The following EFEMP1 variants were observed in gnomAD, a reference collection of about 807,000 sequenced individuals.
EFEMP1 encodes the protein EGF-like fibulin extracellular matrix protein 1.
EFEMP1 carries 18 observed loss-of-function variants against 65.7 expected under a neutral mutation model. The observed-to-expected ratio is 0.27, with a 90% CI of 0.19 to 0.41. The LOEUF is 0.41. Among genes scored for constraint, EFEMP1 ranks in the 10% least tolerant of loss-of-function variants. The pLI is 1.00. For synonymous variants in EFEMP1, 237 were observed against 219.7 expected, an observed-to-expected ratio of 1.08 and a Z score of -0.70; for missense variants, 469 against 624.8, an observed-to-expected ratio of 0.75 and a Z score of 2.66.
intron 5 of EFEMP1, among the ~76,000 whole-genome samples, chr2:55,889,787 G>T (rs1349894583): frequency 6.7e-6 from 1 of 149,554 alleles, no homozygotes; most frequent in South Asian, 2.1e-4. Flanking sequence ...ATGGATGCAT[G>T]TTCAAATGAT....
chr2:55,915,524 C>G (rs1012766638), intron 5 of EFEMP1, among the ~76,000 whole-genome samples: 5 of 152,118 alleles, frequency 3.3e-5, no homozygotes, highest in Admixed American at 3.3e-4. Flanking sequence ...ATATTTTATT[C>G]TAGGACCTCT....
chr2:55,871,872 G>A lies in EFEMP1; in HGVS notation c.1001-749C>T, dbSNP rs1230789971. ...ATTTTAGGACTGTAAGGAAAAAGAG[G>A]AAGTTAAGGAAGAGGCTGTCAGTGC... On this transcript the variant is annotated intron_variant, in intron 9 of 11. Coordinates refer to ENST00000355426, the MANE Select transcript of EFEMP1 (RefSeq NM_001039348.3). This position sits in a 1 kb window ranked among gnomAD's most constrained non-coding sequence, Gnocchi z 4.2. Among the ~76,000 whole-genome samples the A allele has an allele frequency of 6.6e-6, 1 of 152,080 alleles. No individual in the cohort carries two copies. The highest frequency in any genetic ancestry group is 2.4e-5 in the African/African-American group (1 of 41,414).
rs55817415 is a variant in EFEMP1 at position 55,873,066 on chromosome 2, C to CACA, written c.1000+1879_1000+1880insTGT. On this transcript the variant is annotated intron_variant, in intron 9 of 11. Coordinates refer to ENST00000355426, the MANE Select transcript of EFEMP1 (RefSeq NM_001039348.3). The surrounding 1 kb of genome is among the most constrained non-coding windows in gnomAD (Gnocchi z 4.6). ...TTCTTTTGTCTCTCTGTCTCTCTCT[C>CACA]CACACACACACACACACACACACAC... Among the ~76,000 whole-genome samples, 18 of 145,400 alleles carry CACA rather than the reference C, an allele frequency of 1.2e-4. No individual in the cohort carries two copies. The highest frequency in any genetic ancestry group is 2.1e-4 in the Non-Finnish European group (14 of 66,114).
In EFEMP1 at chr2:55,885,448, GT is replaced by G. The variant is rs1324237275; in HGVS notation, c.518-3715del. 1.3e-5 allele frequency among the ~76,000 whole-genome samples: 2 copies of G among 152,194 alleles called. No individual in the cohort carries two copies. The highest frequency in any genetic ancestry group is 1.3e-4 in the Admixed American group (2 of 15,278). ...GAGTCTGGATTGAACAACATAAGGAGTCTCTCTGAACTATGTAGACAGAGCC... is the reference window on the plus strand; with the variant it reads ...GAGTCTGGATTGAACAACATAAGGAGCTCTCTGAACTATGTAGACAGAGCC... On this transcript the variant is annotated intron_variant, in intron 5 of 11. Coordinates refer to ENST00000355426, the MANE Select transcript of EFEMP1 (RefSeq NM_001039348.3). This position sits in a 1 kb window ranked among gnomAD's most constrained non-coding sequence, Gnocchi z 4.3.
intron 5 of EFEMP1, among the ~76,000 whole-genome samples, chr2:55,888,112 C>A (rs1387385760): frequency 6.6e-6 from 1 of 152,114 alleles, no homozygotes; most frequent in African/African-American, 2.4e-5. Flanking sequence ...ACCAGATGAA[C>A]CAATGGGTCA....
Position 55,923,126 on chromosome 2 carries a change from G to C in EFEMP1, c.-48-187C>G. Among the ~76,000 whole-genome samples the C allele has an allele frequency of 6.6e-6, 1 of 152,184 alleles. No individual in the cohort carries two copies. The highest frequency in any genetic ancestry group is 1.9e-4 in the East Asian group (1 of 5,188). ...ATTTCCACGCCTTTCTCTGCGCACA[G>C]CTTTGTTTAAAAGTCCCAGGTTGTG... On this transcript the variant is annotated intron_variant, in intron 1 of 11. Transcript: ENST00000355426. The surrounding 1 kb of genome is among the most constrained non-coding windows in gnomAD (Gnocchi z 5.3).
At chr2:55,899,501 G>C (rs934968087) in intron 5 of EFEMP1, among the ~76,000 whole-genome samples, 5 of 152,078 alleles carry the variant, frequency 3.3e-5, no homozygotes, top group African/African-American at 1.2e-4. Context: ...TAACAATTTG[G>C]GCCTAGCAAG....
chr2:55,916,248 T>G (rs954848279), intron 5 of EFEMP1, among the ~76,000 whole-genome samples: 8 of 152,066 alleles, frequency 5.3e-5, no homozygotes, highest in Non-Finnish European at 1.2e-4. Flanking sequence ...TATTTGAGAC[T>G]ACAGGCATGT....
intron 3 of EFEMP1, 136 bp from the exon 4 acceptor site, chr2:55,918,403 G>A (rs543260442): frequency 2.9e-6 from 3 of 1,038,498 alleles, no homozygotes; most frequent in African/African-American, 1.6e-5. Flanking sequence ...TGAGATGGGT[G>A]GTTTAACATT....
rs1418565687 is a variant in EFEMP1 at position 55,922,774 on chromosome 2, AAAACAGT to A, written c.-8+118_-8+124del. ...TGCAGAAAGAGGGGGTCGAAAGGAAAAAACAGTAATCCATTTCAAAGGGGACGGTGCA... is the reference window on the plus strand; with the variant it reads ...TGCAGAAAGAGGGGGTCGAAAGGAAAAATCCATTTCAAAGGGGACGGTGCA... On this transcript the variant is annotated intron_variant, in intron 2 of 11. Transcript: ENST00000355426. This position sits in a 1 kb window ranked among gnomAD's most constrained non-coding sequence, Gnocchi z 5.5. 17 of 753,882 alleles carry A rather than the reference AAAACAGT, an allele frequency of 2.3e-5. No homozygotes were observed. Among genetic ancestry groups the A allele is most frequent in the Non-Finnish European group, 2.6e-5 (14 of 545,810 alleles). 46.7% of individuals were successfully genotyped at this position (753,882 alleles called of 1,614,324 possible). A position where few individuals can be genotyped will look rare whatever the true frequency, so the allele number is the denominator to read the frequency against.
chr2:55,910,450 G>A (rs962881462), intron 5 of EFEMP1, among the ~76,000 whole-genome samples: 5 of 152,100 alleles, frequency 3.3e-5, no homozygotes, highest in Non-Finnish European at 7.4e-5. Context: ...GAAAATTTTT[G>A]TTTACTCTTT....
At chr2:55,900,258 CT>C (rs1222709987) in intron 5 of EFEMP1, among the ~76,000 whole-genome samples, 1 of 152,140 alleles carries the variant, frequency 6.6e-6, no homozygotes, top group Non-Finnish European at 1.5e-5. Flanking sequence ...GAGCAGAATG[CT>C]TTTTTCCCCT....
chr2:55,886,959 A>G lies in EFEMP1; in HGVS notation c.518-5225T>C, dbSNP rs116572753. ...AATCTGATTTAGAAAAAAGTATATA[A>G]TATTTTATACAGATTCATATACAAA... On this transcript the variant is annotated intron_variant, in intron 5 of 11. Coordinates refer to ENST00000355426, the MANE Select transcript of EFEMP1 (RefSeq NM_001039348.3). This position sits in a 1 kb window ranked among gnomAD's most constrained non-coding sequence, Gnocchi z 4.0. Among the ~76,000 whole-genome samples, 2,977 of 152,254 alleles carry G rather than the reference A, an allele frequency of 0.02. 55 individuals carry two copies. The highest frequency in any genetic ancestry group is 0.08 in the South Asian group (385 of 4,826).
Position 55,922,536 on chromosome 2 carries a change from A to T in EFEMP1, c.-7-89T>A. 1 of 1,178,656 alleles carries T rather than the reference A, an allele frequency of 8.5e-7. No individual in the cohort carries two copies. Among genetic ancestry groups the T allele is most frequent in the Non-Finnish European group, 1.3e-6 (1 of 796,354 alleles). 73.0% of individuals were successfully genotyped at this position (1,178,656 alleles called of 1,614,324 possible). A position where few individuals can be genotyped will look rare whatever the true frequency, so the allele number is the denominator to read the frequency against. On this transcript the variant is annotated intron_variant, in intron 2 of 11. Coordinates refer to ENST00000355426, the MANE Select transcript of EFEMP1 (RefSeq NM_001039348.3). The surrounding 1 kb of genome is among the most constrained non-coding windows in gnomAD (Gnocchi z 5.5). ...AGCAGTGAGCACAAGCGAGGAAAGG[A>T]GGGTGGGAGAGGCTGAGGCTCCACC...
Position 55,886,669 on chromosome 2 carries a change from A to G in EFEMP1, c.518-4935T>C, listed in dbSNP as rs1210144948. Among the ~76,000 whole-genome samples the G allele has an allele frequency of 1.3e-5, 2 of 152,116 alleles. No homozygotes were observed. Among genetic ancestry groups the G allele is most frequent in the Non-Finnish European group, 2.9e-5 (2 of 67,998 alleles). ...CACCTGCTCAAAATGATTGCTCCCA[A>G]TCCTTTCTAGAGACAGGGTGATAAA... is the stretch of plus-strand genomic sequence containing the variant. On this transcript the variant is annotated intron_variant, in intron 5 of 11. Transcript: ENST00000355426. This position sits in a 1 kb window ranked among gnomAD's most constrained non-coding sequence, Gnocchi z 4.0.
chr2:55,888,440 C>A (rs1319569387), intron 5 of EFEMP1, among the ~76,000 whole-genome samples: 1 of 148,230 alleles, frequency 6.7e-6, no homozygotes, highest in Non-Finnish European at 1.5e-5. Context: ...CAGATTCCAG[C>A]GATTCTCCTG....
chr2:55,882,793 C>T (rs1452036851), intron 5 of EFEMP1, among the ~76,000 whole-genome samples: 3 of 152,030 alleles, frequency 2.0e-5, no homozygotes, highest in Non-Finnish European at 2.9e-5. Context: ...CCTGGGTCTA[C>T]CACAGTGATG....
chr2:55,876,709 G>A lies in EFEMP1; in HGVS notation c.794C>T (p.Ala265Val). Residue 265 changes from alanine to valine, a missense_variant, in exon 8 of 12, where the codon GCT becomes GTT. Transcript: ENST00000355426. ...INECDASNQC[A>V]QQCYNILGSF... Reference sequence around the variant, plus strand: ...ACCAAGAATGTTGTAGCACTGCTGAGCACATTGATTGCTGGCATCACATTC... The same window carrying A: ...ACCAAGAATGTTGTAGCACTGCTGAACACATTGATTGCTGGCATCACATTC... The A allele has an allele frequency of 3.7e-6, 6 of 1,610,722 alleles. No homozygotes were observed. The highest frequency in any genetic ancestry group is 5.1e-6 in the Non-Finnish European group (6 of 1,178,018).
intron 5 of EFEMP1, among the ~76,000 whole-genome samples, chr2:55,899,613 T>C (rs183053113): frequency 2.0e-5 from 3 of 152,340 alleles, no homozygotes; most frequent in African/African-American, 7.2e-5. Context: ...ACCAGTGGTC[T>C]AGCAAGAATT....
Sources: allele counts gnomAD v4.1 joint callset (sites outside exome capture counted in the v4.1 genomes callset), GRCh38; gene constraint gnomAD v4.1.1; non-coding constraint Gnocchi (gnomAD v3.1); transcripts MANE v1.5; gene names NCBI Gene and HGNC (gene_info 2026-07-23, HGNC 2026-07-21).